TMTC4: variants seen among roughly 807,000 people sequenced by gnomAD.
The protein encoded by TMTC4 is protein O-mannosyl-transferase TMTC4.
TMTC4 carries 65 observed loss-of-function variants against 86.0 expected under a neutral mutation model. The observed-to-expected ratio is 0.76, with a 90% CI of 0.62 to 0.93. TMTC4 has a LOEUF of 0.93. TMTC4 is among the 40% of genes least tolerant of loss of function. TMTC4 has a pLI of 0.00. For synonymous variants in TMTC4, 379 were observed against 382.5 expected (o/e 0.99, Z 0.11); for missense variants, 866 against 948.1 (o/e 0.91, Z 1.14).
Position 100,648,484 on chromosome 13 carries a change from G to A in TMTC4, c.641-6173C>T, listed in dbSNP as rs539638766. Among the ~76,000 whole-genome samples, 10 of 152,188 alleles carry A rather than the reference G, an allele frequency of 6.6e-5. No homozygotes were observed. In the South Asian group the frequency reaches 2.1e-3, roughly 32 times the overall value. ...CTTCAAAGTTTTCAATGCCACATAT[G>A]GCTCCTGTGGTATTTCGATTGCATG... On this transcript the variant is annotated intron_variant, in intron 6 of 18. Transcript: ENST00000342624.
At chr13:100,662,884 T>C in intron 5 of TMTC4, 80 bp downstream of exon 5, 1 of 1,499,322 alleles carries the variant, frequency 6.7e-7, no homozygotes, top group South Asian at 1.2e-5. Flanking sequence ...AAAGGGAGCC[T>C]GTTTTAGGAA....
Position 100,636,597 on chromosome 13 carries a change from T to C in TMTC4, c.1137A>G (p.Ala379=), listed in dbSNP as rs201210127. ...ISDWRVIALA[A]LWFCLIGLIC... is the part of the protein sequence containing the mutation. ...TCAGGCCAATTAGGCAGAACCAGAG[T>C]GCTGCAAGTGCAATTACCCTCCAGT... The change falls in exon 10 of 19, where the codon GCA becomes GCG. Residue 379 remains alanine (A), a synonymous_variant. Coordinates refer to ENST00000342624, the MANE Select transcript of TMTC4 (RefSeq NM_032813.5). The C allele has an allele frequency of 2.0e-5, 32 of 1,614,166 alleles. No individual in the cohort carries two copies. The highest frequency in any genetic ancestry group is 1.8e-4 in the Admixed American group (11 of 60,026).
At chr13:100,611,551 C>T (rs944666745) in intron 17 of TMTC4, among the ~76,000 whole-genome samples, 13 of 152,178 alleles carry the variant, frequency 8.5e-5, no homozygotes, top group Non-Finnish European at 1.8e-4. Flanking sequence ...CGCCACTGCA[C>T]TCCAGCCTGG....
At chr13:100,641,734 G>T (rs557296218) in intron 7 of TMTC4, among the ~76,000 whole-genome samples, 2 of 152,204 alleles carry the variant, frequency 1.3e-5, no homozygotes, top group East Asian at 1.9e-4. Flanking sequence ...TGATCTGCCC[G>T]CCTTGGCCTC....
rs1881559769 is a variant in TMTC4, at chr13:100,632,325, C to G, written c.1506+2480G>C. Among the ~76,000 whole-genome samples, 4 of 152,130 alleles carry G rather than the reference C, an allele frequency of 2.6e-5. No homozygotes were observed. In the South Asian group the frequency reaches 8.3e-4, roughly 32 times the overall value. On this transcript the variant is annotated intron_variant, in intron 12 of 18. Coordinates refer to ENST00000342624, the MANE Select transcript of TMTC4 (RefSeq NM_032813.5). ...TTAATCTTGCTATGCTTCAGTTTCT[C>G]CCATCTGGGAAAACAGAGAAAATAA...
intron 6 of TMTC4, among the ~76,000 whole-genome samples, chr13:100,645,586 G>T (rs1230487539): frequency 6.6e-6 from 1 of 152,068 alleles, no homozygotes. Flanking sequence ...CCATGTCCCT[G>T]ACTGCCCCTG....
At position 100,668,812 on chromosome 13, in the gene TMTC4, C is replaced by A; in HGVS notation, c.4-18G>T. ...TTAGGAATCTGCAGGAAAAACAACA[C>A]TGTATAAATATTCATCAACACTGGT... On this transcript the variant is annotated intron_variant, in intron 2 of 18. Coordinates refer to ENST00000342624, the MANE Select transcript of TMTC4 (RefSeq NM_032813.5). 6.2e-7 allele frequency: 1 copy of A among 1,612,976 alleles called. No homozygotes were observed. The highest frequency in any genetic ancestry group is 1.3e-5 in the African/African-American group (1 of 75,022).
At chr13:100,645,963 G>T (rs2138936485) in intron 6 of TMTC4, among the ~76,000 whole-genome samples, 1 of 152,190 alleles carries the variant, frequency 6.6e-6, no homozygotes, top group Middle Eastern at 3.4e-3. Context: ...CACAGATATT[G>T]CCGGATGTCA....
At chr13:100,622,136 T>A in intron 15 of TMTC4, among the ~76,000 whole-genome samples, 1 of 152,166 alleles carries the variant, frequency 6.6e-6, no homozygotes, top group South Asian at 2.1e-4. Context: ...AGAACAAAAA[T>A]GCACGCAAGG....
intron 15 of TMTC4, among the ~76,000 whole-genome samples, chr13:100,621,006 AG>A (rs1204617927): frequency 6.6e-6 from 1 of 152,256 alleles, no homozygotes; most frequent in Non-Finnish European, 1.5e-5. Context: ...TTAAATAAGC[AG>A]GAACAGTTGG....
chr13:100,650,344 A>G (rs1884276778), intron 6 of TMTC4, among the ~76,000 whole-genome samples: 1 of 152,240 alleles, frequency 6.6e-6, no homozygotes, highest in Non-Finnish European at 1.5e-5. Flanking sequence ...TGACAGAAAG[A>G]CACTTGTCAG....
At chr13:100,653,756 C>A (rs757064774) in intron 6 of TMTC4, among the ~76,000 whole-genome samples, 2 of 152,184 alleles carry the variant, frequency 1.3e-5, no homozygotes, top group Non-Finnish European at 2.9e-5. Flanking sequence ...GTGTTTTAAA[C>A]CCTCCGCTTT....
chr13:100,660,356 A>T (rs1054754292), intron 5 of TMTC4, among the ~76,000 whole-genome samples: 3 of 151,748 alleles, frequency 2.0e-5, no homozygotes, highest in African/African-American at 7.3e-5. Context: ...AAAGAAAAGA[A>T]AAAAAAAGAA....
At chr13:100,615,545 C>T (rs561768949) in intron 15 of TMTC4, among the ~76,000 whole-genome samples, 8 of 152,254 alleles carry the variant, frequency 5.3e-5, no homozygotes, top group Admixed American at 3.9e-4. Context: ...GTCTGCCTCC[C>T]AAGTTCGAAC....
intron 17 of TMTC4, among the ~76,000 whole-genome samples, chr13:100,608,099 G>A (rs1238388276): frequency 1.3e-5 from 2 of 152,234 alleles, no homozygotes; most frequent in East Asian, 3.8e-4. Flanking sequence ...ACCTGTAAAT[G>A]AAGTAGTGTT....
rs748348302 is a variant in TMTC4, at chr13:100,637,656, A to AG, written c.880dup (p.Leu294ProfsTer35). 6.2e-7 allele frequency: 1 copy of AG among 1,614,168 alleles called. No individual in the cohort carries two copies. The highest frequency in any genetic ancestry group is 8.5e-7 in the Non-Finnish European group (1 of 1,180,028). ...CATCCCAGCCCCTCCAGAGGTGAGC[A>AG]GGGTCATTCTGAAGAGGAGGCCCCC... On this transcript the variant is annotated frameshift_variant, in exon 9 of 19. Coordinates refer to ENST00000342624, the MANE Select transcript of TMTC4 (RefSeq NM_032813.5). LOFTEE classifies it high-confidence loss of function.
chr13:100,629,537 T>C (rs1010954928), intron 12 of TMTC4, among the ~76,000 whole-genome samples: 6 of 152,198 alleles, frequency 3.9e-5, no homozygotes, highest in Non-Finnish European at 7.3e-5. Flanking sequence ...CCTGTGTTTC[T>C]TCCCACTAGA....
intron 15 of TMTC4, among the ~76,000 whole-genome samples, chr13:100,623,272 G>A (rs1000099012): frequency 5.3e-5 from 8 of 152,176 alleles, no homozygotes; most frequent in Admixed American, 5.2e-4. Flanking sequence ...TCACTCTGTT[G>A]CCCAGGCTGG....
rs1466190228 is a variant in TMTC4 at position 100,625,780 on chromosome 13, C to T, written c.1694+5G>A. On this transcript the variant is annotated splice_donor_5th_base_variant and intron_variant, in intron 14 of 18. Transcript: ENST00000342624. The stretch of plus-strand genomic sequence containing the variant: ...CACTAGCATAATTATAAAAACAATG[C>T]TTACTGTATTTGAACAGCCAAAGAC... The T allele has an allele frequency of 6.2e-7, 1 of 1,612,468 alleles. No homozygotes were observed. Among genetic ancestry groups the T allele is most frequent in the Admixed American group, 1.7e-5 (1 of 59,652 alleles).
Sources: gnomAD v4.1 joint callset for allele counts (sites outside exome capture counted in the v4.1 genomes callset) on GRCh38, gnomAD v4.1.1 for gene constraint, MANE v1.5 for transcripts, NCBI Gene and HGNC (gene_info 2026-07-23, HGNC 2026-07-21) for gene names.